The following RAB9B variants were observed in gnomAD, a reference collection of about 807,000 sequenced individuals.
The protein encoded by RAB9B is ras-related protein Rab-9B.
RAB9B carries 1 observed loss-of-function variant against 8.9 expected under a neutral mutation model. The observed-to-expected ratio is 0.11, with a 90% CI of 0.04 to 0.53. The LOEUF is 0.53. Among genes scored for constraint, RAB9B ranks in the 20% least tolerant of loss-of-function variants. The pLI, the probability that RAB9B is intolerant of heterozygous loss-of-function variation, is 0.93. For synonymous variants in RAB9B, 63 were observed against 57.0 expected, an observed-to-expected ratio of 1.10 and a Z score of -0.47; for missense variants, 82 against 152.9, an observed-to-expected ratio of 0.54 and a Z score of 2.45.
At chrX:103,811,971 T>A in the RAB9B span, among the ~76,000 whole-genome samples, 5 of 106,363 alleles carry the variant, frequency 4.7e-5, no homozygotes, top group South Asian at 8.6e-4. Flanking sequence ...GAAAGAGAGG[T>A]CTCCTCTCTT....
the RAB9B span, among the ~76,000 whole-genome samples, chrX:103,795,258 T>TA: frequency 0.033 from 3,323 of 101,563 alleles, 45 homozygotes; most frequent in Non-Finnish European, 0.039. Flanking sequence ...AGAGTCATGT[T>TA]AAAAAAAAAA....
chrX:103,807,298 C>G, the RAB9B span, among the ~76,000 whole-genome samples: 8 of 111,907 alleles, frequency 7.1e-5, no homozygotes, highest in Non-Finnish European at 1.5e-4. Flanking sequence ...AGCCTCATCT[C>G]TGCTCCTCCT....
the RAB9B span, among the ~76,000 whole-genome samples, chrX:103,781,684 A>G: frequency 8.9e-6 from 1 of 112,454 alleles, no homozygotes; most frequent in Admixed American, 9.4e-5. Context: ...ACAGAAATGA[A>G]AGAAAAACAC....
At chrX:103,806,970 AG>A in the RAB9B span, among the ~76,000 whole-genome samples, 2 of 111,860 alleles carry the variant, frequency 1.8e-5, no homozygotes, top group African/African-American at 6.5e-5. Context: ...TTCCTGAGGA[AG>A]GAAAAGTTAA....
chrX:103,812,339 G>A, the RAB9B span, among the ~76,000 whole-genome samples: 1 of 111,274 alleles, frequency 9.0e-6, no homozygotes, highest in Non-Finnish European at 1.9e-5. Context: ...CTGCATAGTT[G>A]TCAATTAAAC....
chrX:103,789,291 G>A, the RAB9B span: 1 of 960,002 alleles, frequency 1.0e-6, no homozygotes, highest in Non-Finnish European at 1.5e-6. Context: ...GCATATTACT[G>A]CTGTTGCAAG....
chrX:103,822,872 A>T lies in RAB9B; in HGVS notation c.*2307T>A, dbSNP rs989561534. On this transcript the variant is annotated 3_prime_UTR_variant, in exon 3 of 3. Coordinates refer to ENST00000243298, the MANE Select transcript of RAB9B (RefSeq NM_016370.4). ...TAATGTTGAGTGCTTTCATTAAGATATTGAGTGGTAATTTGGTAGAAAACA... is the reference window on the plus strand; with the variant it reads ...TAATGTTGAGTGCTTTCATTAAGATTTTGAGTGGTAATTTGGTAGAAAACA... The T allele has an allele frequency of 9.0e-6, 1 of 111,443 alleles. No homozygotes were observed. The highest frequency in any genetic ancestry group is 3.3e-5 in the African/African-American group (1 of 30,647). The allele number at this position is 111,443 out of a possible 1,213,427, so 9.2% of individuals were successfully genotyped here. A position where few individuals can be genotyped will look rare whatever the true frequency, so the allele number is the denominator to read the frequency against.
intron 1 of RAB9B, among the ~76,000 whole-genome samples, chrX:103,830,899 C>T (rs1287220870): frequency 8.9e-6 from 1 of 111,796 alleles, no homozygotes; most frequent in Non-Finnish European, 1.9e-5. Flanking sequence ...CGCATCAGTT[C>T]AGTTGCCATG....
chrX:103,777,015 T>C, the RAB9B span: 1 of 1,190,698 alleles, frequency 8.4e-7, no homozygotes, highest in Non-Finnish European at 1.1e-6. Context: ...TTTCAAAAAC[T>C]TTAGCATTGA....
chrX:103,829,344 T>C (rs777973937), intron 1 of RAB9B, among the ~76,000 whole-genome samples: 1 of 112,258 alleles, frequency 8.9e-6, no homozygotes, highest in East Asian at 2.8e-4. Flanking sequence ...CTACAGTGCC[T>C]ATTGTGTGTT....
the RAB9B span, among the ~76,000 whole-genome samples, chrX:103,812,178 G>A: frequency 9.1e-6 from 1 of 110,235 alleles, no homozygotes; most frequent in Non-Finnish European, 1.9e-5. Context: ...ATAAGGGCAC[G>A]AATCCCATTA....
chrX:103,783,800 T>C, the RAB9B span, among the ~76,000 whole-genome samples: 1 of 111,816 alleles, frequency 8.9e-6, no homozygotes, highest in African/African-American at 3.2e-5. Context: ...GCCTAAGTAA[T>C]TAATACAATT....
downstream of RAB9B, among the ~76,000 whole-genome samples, chrX:103,821,698 A>G (rs1311192775): frequency 8.9e-6 from 1 of 112,083 alleles, no homozygotes; most frequent in African/African-American, 3.2e-5. Context: ...AGGAAAATAA[A>G]GGGAATATGT....
At chrX:103,781,331 T>C in the RAB9B span, 1 of 325,654 alleles carries the variant, frequency 3.1e-6, no homozygotes, top group Non-Finnish European at 6.0e-6. Context: ...GTTCTGTTGA[T>C]CTCTGTCAGA....
At chrX:103,802,687 CATTT>C in the RAB9B span, among the ~76,000 whole-genome samples, 1,134 of 111,808 alleles carry the variant, frequency 0.01, 10 homozygotes, top group African/African-American at 0.035. Flanking sequence ...ACAATTGACC[CATTT>C]AAAGTGTGCA....
At chrX:103,786,235 A>T in the RAB9B span, 1 of 1,143,482 alleles carries the variant, frequency 8.7e-7, no homozygotes, top group Non-Finnish European at 1.2e-6. Flanking sequence ...GTCCCAGGGT[A>T]AGCAAGGTGT....
chrX:103,776,762 GGGGAGGAGAA>G, the RAB9B span: 5 of 303,571 alleles, frequency 1.6e-5, no homozygotes, highest in African/African-American at 3.3e-4. Context: ...GTGGGGAAAA[GGGGAGGAGAA>G]GGGAGGAGGA....
chrX:103,831,046 T>A (rs978541823), intron 1 of RAB9B, among the ~76,000 whole-genome samples: 1 of 110,653 alleles, frequency 9.0e-6, no homozygotes, highest in African/African-American at 3.3e-5. Context: ...CTGTTGGAAG[T>A]CTGTACAGGG....
chrX:103,776,883 A>AAG, the RAB9B span: 1 of 739,602 alleles, frequency 1.4e-6, no homozygotes, highest in Non-Finnish European at 2.1e-6. Context: ...CAGAGAGAAA[A>AAG]AGTAAAAGAC....
Sources: gnomAD v4.1 joint callset for allele counts (sites outside exome capture counted in the v4.1 genomes callset) on GRCh38, gnomAD v4.1.1 for gene constraint, MANE v1.5 for transcripts, NCBI Gene and HGNC (gene_info 2026-07-23, HGNC 2026-07-21) for gene names.